ARHGEF7: variants seen among roughly 807,000 people sequenced by gnomAD.
The protein encoded by ARHGEF7 is PAK-interacting exchange factor beta.
A neutral mutation model predicts 109.8 loss-of-function variants in ARHGEF7; 33 were observed. The observed-to-expected ratio is 0.30, with a 90% confidence interval of 0.23 to 0.40. ARHGEF7 has a LOEUF of 0.40. Among genes scored for constraint, ARHGEF7 ranks in the 10% least tolerant of loss-of-function variants. The pLI is 1.00. For missense variants in ARHGEF7, 938 were observed against 1,098.5 expected (o/e 0.85, Z 2.07); for synonymous variants, 458 against 424.6 (o/e 1.08, Z -0.97).
intron 8 of ARHGEF7, chr13:111,265,860 C>T (rs754052046): frequency 4.9e-6 from 2 of 408,284 alleles, no homozygotes; most frequent in Non-Finnish European, 9.9e-6. Context: ...TCTTAGGCTT[C>T]CAACCTCCAG....
At chr13:111,223,285 C>T (rs1490846951) in intron 5 of ARHGEF7, among the ~76,000 whole-genome samples, 1 of 152,140 alleles carries the variant, frequency 6.6e-6, no homozygotes, top group African/African-American at 2.4e-5. Context: ...TTAATTAGTG[C>T]TTGATTTTTC....
At chr13:111,230,016 C>T (rs1162371610) in intron 5 of ARHGEF7, among the ~76,000 whole-genome samples, 3 of 152,144 alleles carry the variant, frequency 2.0e-5, no homozygotes, top group Admixed American at 6.5e-5. Context: ...TTTCTTCCTG[C>T]GTTGGGTGTA....
intron 2 of ARHGEF7, among the ~76,000 whole-genome samples, chr13:111,161,702 T>G (rs1165361691): frequency 6.6e-6 from 1 of 152,224 alleles, no homozygotes; most frequent in African/African-American, 2.4e-5. Flanking sequence ...TGCTACCGTT[T>G]AGAGATACCA....
chr13:111,139,635 A>G (rs2075258459), intron 1 of ARHGEF7, among the ~76,000 whole-genome samples: 1 of 142,548 alleles, frequency 7.0e-6, no homozygotes, highest in Admixed American at 6.9e-5. Context: ...CACTGGCGGC[A>G]GACAGGGGCC....
At chr13:111,204,039 A>G (rs151280604) in intron 2 of ARHGEF7, among the ~76,000 whole-genome samples, 4 of 152,266 alleles carry the variant, frequency 2.6e-5, no homozygotes, top group Non-Finnish European at 4.4e-5. Context: ...CCATCAAACT[A>G]TCATGACACG....
chr13:111,115,825 G>C (rs974693016), intron 1 of ARHGEF7, 134 bp downstream of exon 1: 1 of 353,058 alleles, frequency 2.8e-6, no homozygotes, highest in Non-Finnish European at 4.1e-6. Flanking sequence ...GCGGCGGCGC[G>C]GCCGGCGCCA....
chr13:111,155,719 A>C (rs1483331426), intron 2 of ARHGEF7, among the ~76,000 whole-genome samples: 1 of 152,118 alleles, frequency 6.6e-6, no homozygotes, highest in South Asian at 2.1e-4. Context: ...TACTTTTGAA[A>C]CTCAATTGGC....
chr13:111,153,839 C>A, intron 1 of ARHGEF7, 66 bp from the exon 2 acceptor site: 1 of 1,556,454 alleles, frequency 6.4e-7, no homozygotes. Context: ...GTGGGCGTCG[C>A]TCGGCCTTGT....
rs367600562 is a variant in ARHGEF7, at chr13:111,283,243, C to G, written c.1830C>G (p.Thr610=). The change falls in exon 16 of 22, where the codon ACC becomes ACG. Residue 610 remains threonine, a synonymous_variant. Transcript: ENST00000646102. ...HTLPHPSHHG[T]PHTTINWGPL... Reference sequence around the variant, plus strand: ...TGCCCCACCCCTCCCACCACGGCACCCCGCACACCACCATCAACTGGGGAC... The same window carrying G: ...TGCCCCACCCCTCCCACCACGGCACGCCGCACACCACCATCAACTGGGGAC... 1.4e-5 allele frequency: 22 copies of G among 1,587,926 alleles called. No homozygotes were observed. The highest frequency in any genetic ancestry group is 1.1e-5 in the Non-Finnish European group (13 of 1,169,604).
rs1242176814 is a variant in ARHGEF7 at position 111,275,881 on chromosome 13, T to TCAGTTTGATC, written c.1419+207_1419+216dup. The TCAGTTTGATC allele has an allele frequency of 1.6e-5, 10 of 607,882 alleles. No individual in the cohort carries two copies. In the East Asian group the frequency reaches 2.9e-4, roughly 18 times the overall value. The allele number at this position is 607,882 out of a possible 1,614,324, so 37.7% of individuals were successfully genotyped here. A position where few individuals can be genotyped will look rare whatever the true frequency, so the allele number is the denominator to read the frequency against. ...TTAGAGCTGAGTGTGGACTTGTTGA[T>TCAGTTTGATC]CAGTTTGATCCAGCTGAAGTCAGTG... On this transcript the variant is annotated intron_variant, in intron 12 of 21. Transcript: ENST00000646102.
intron 1 of ARHGEF7, 43 bp from the exon 2 acceptor site, chr13:111,153,862 C>G (rs775180987): frequency 7.6e-6 from 12 of 1,577,320 alleles, no homozygotes; most frequent in East Asian, 2.5e-5. Flanking sequence ...GCGGCGTCCC[C>G]GCTGCCGGCC....
At chr13:111,184,225 G>A (rs1266185826) in intron 2 of ARHGEF7, among the ~76,000 whole-genome samples, 1 of 152,156 alleles carries the variant, frequency 6.6e-6, no homozygotes, top group Non-Finnish European at 1.5e-5. Context: ...TGCCGTGATT[G>A]TAAGTTCCCT....
chr13:111,271,081 C>T (rs1179174628), intron 9 of ARHGEF7, among the ~76,000 whole-genome samples: 2 of 152,192 alleles, frequency 1.3e-5, no homozygotes, highest in Non-Finnish European at 1.5e-5. Context: ...GGGCAGTGGC[C>T]TTCATGCAGG....
At chr13:111,237,081 A>G (rs2086937819) in intron 6 of ARHGEF7, among the ~76,000 whole-genome samples, 1 of 152,248 alleles carries the variant, frequency 6.6e-6, no homozygotes, top group Non-Finnish European at 1.5e-5. Context: ...TTTAAAAGTT[A>G]AAGGCAGTGG....
At chr13:111,267,929 A>G (rs2091805952) in intron 9 of ARHGEF7, among the ~76,000 whole-genome samples, 1 of 116,962 alleles carries the variant, frequency 8.5e-6, no homozygotes, top group Non-Finnish European at 1.9e-5. Flanking sequence ...GGGGTTAGTA[A>G]GTGTTCTGGG....
intron 2 of ARHGEF7, among the ~76,000 whole-genome samples, chr13:111,173,384 T>C (rs2077779661): frequency 6.6e-6 from 1 of 152,240 alleles, no homozygotes. Flanking sequence ...AGCAGGGTCA[T>C]ACTGGGGAGT....
At chr13:111,128,267 G>T (rs931046667) in intron 1 of ARHGEF7, among the ~76,000 whole-genome samples, 2 of 152,198 alleles carry the variant, frequency 1.3e-5, no homozygotes. Flanking sequence ...AAGAAGTAAA[G>T]CTGTCTTTAT....
intron 21 of ARHGEF7, among the ~76,000 whole-genome samples, chr13:111,302,185 G>A (rs1260669608): frequency 1.3e-5 from 2 of 152,210 alleles, no homozygotes; most frequent in African/African-American, 2.4e-5. Context: ...GCCAGAAGTG[G>A]CGACTAACCA....
chr13:111,290,417 T>A (rs1359554599), intron 18 of ARHGEF7, among the ~76,000 whole-genome samples: 2 of 152,242 alleles, frequency 1.3e-5, no homozygotes, highest in African/African-American at 4.8e-5. Context: ...ACTCAAAGTA[T>A]ATGGGAGGTT....
Sources: gnomAD v4.1 joint callset for allele counts (sites outside exome capture counted in the v4.1 genomes callset) on GRCh38, gnomAD v4.1.1 for gene constraint, MANE v1.5 for transcripts, NCBI Gene and HGNC (gene_info 2026-07-23, HGNC 2026-07-21) for gene names.